The following CENPP variants were observed in gnomAD, a reference collection of about 807,000 sequenced individuals.
CENPP encodes the protein centromere protein P.
Under a neutral mutation model 35.6 loss-of-function variants are expected in CENPP, and 24 were observed. The ratio of observed to expected loss-of-function variants is 0.67; its 90% CI spans 0.49 to 0.95. The LOEUF (loss-of-function observed/expected upper bound fraction) is 0.95, where lower values mean the gene tolerates loss of function less well. Among genes scored for constraint, CENPP ranks in the 40% least tolerant of loss-of-function variants. The pLI, the probability that CENPP is intolerant of heterozygous loss-of-function variation, is 0.00. For synonymous variants in CENPP, 120 were observed against 125.5 expected, an observed-to-expected ratio of 0.96 and a Z score of 0.29; for missense variants, 332 against 345.3, an observed-to-expected ratio of 0.96 and a Z score of 0.31.
chr9:92,397,502 G>A (rs1006447622), intron 5 of CENPP, among the ~76,000 whole-genome samples: 1 of 151,966 alleles, frequency 6.6e-6, no homozygotes, highest in African/African-American at 2.4e-5. Context: ...AATTTTTTTT[G>A]TATTTTTAGT....
chr9:92,484,361 C>T (rs1436631402), intron 5 of CENPP, among the ~76,000 whole-genome samples: 1 of 152,168 alleles, frequency 6.6e-6, no homozygotes, highest in African/African-American at 2.4e-5. Flanking sequence ...TGGAATCATA[C>T]TGTGCATTCT....
intron 5 of CENPP, among the ~76,000 whole-genome samples, chr9:92,466,812 T>A (rs191575820): frequency 3.9e-5 from 6 of 152,348 alleles, no homozygotes; most frequent in Non-Finnish European, 7.3e-5. Context: ...TGCATCTTTT[T>A]AATCTTTGAA....
rs756860205 is a variant in CENPP, at chr9:92,616,089, C to G, written c.*2940C>G. ...GTAAAAAGTACCATTTCAGGATACA[C>G]AAGCCCCCCATTCATTTCCCTCCCT... On this transcript the variant is annotated 3_prime_UTR_variant, in exon 8 of 8. Coordinates refer to ENST00000375587, the MANE Select transcript of CENPP (RefSeq NM_001012267.3). 6 of 1,463,842 alleles carry G rather than the reference C, an allele frequency of 4.1e-6. No individual in the cohort carries two copies. Among genetic ancestry groups the G allele is most frequent in the African/African-American group, 1.4e-5 (1 of 71,938 alleles). The allele number at this position is 1,463,842 out of a possible 1,614,324, so 90.7% of individuals were successfully genotyped here.
chr9:92,414,760 C>A, intron 5 of CENPP: 1 of 224,404 alleles, frequency 4.5e-6, no homozygotes, highest in Non-Finnish European at 8.8e-6. Flanking sequence ...ATATTGTCCT[C>A]AGAGTGATCA....
chr9:92,359,790 CT>C (rs113627157), intron 4 of CENPP, among the ~76,000 whole-genome samples: 434 of 136,892 alleles, frequency 3.2e-3, no homozygotes, highest in Middle Eastern at 3.8e-3. Flanking sequence ...GGACAGGGTC[CT>C]TTTTTTTTTT....
intron 5 of CENPP, among the ~76,000 whole-genome samples, chr9:92,547,243 G>A (rs770233202): frequency 3.9e-5 from 6 of 152,152 alleles, no homozygotes; most frequent in African/African-American, 1.4e-4. Context: ...GAATATAAGG[G>A]AACATCTTTA....
At chr9:92,386,384 T>A in intron 5 of CENPP, 1 of 781,782 alleles carries the variant, frequency 1.3e-6, no homozygotes, top group South Asian at 1.4e-5. Context: ...TATGAGTATA[T>A]GTCTATATAT....
At chr9:92,480,015 T>C (rs964315423) in intron 5 of CENPP, among the ~76,000 whole-genome samples, 22 of 152,238 alleles carry the variant, frequency 1.4e-4, no homozygotes, top group African/African-American at 4.3e-4. Context: ...TAAAATGATA[T>C]GACTTTTGGC....
intron 5 of CENPP, among the ~76,000 whole-genome samples, chr9:92,496,663 A>G (rs569012301): frequency 6.6e-6 from 1 of 152,360 alleles, no homozygotes; most frequent in African/African-American, 2.4e-5. Context: ...TAGAAGCACT[A>G]GAACAGACTG....
chr9:92,478,954 C>T (rs1845813503), intron 5 of CENPP, among the ~76,000 whole-genome samples: 2 of 152,108 alleles, frequency 1.3e-5, no homozygotes, highest in Non-Finnish European at 2.9e-5. Flanking sequence ...CGTGGTGTTC[C>T]TTGTGGCCTG....
chr9:92,341,024 A>T (rs1255873634), intron 3 of CENPP, among the ~76,000 whole-genome samples: 1 of 152,192 alleles, frequency 6.6e-6, no homozygotes, highest in Non-Finnish European at 1.5e-5. Context: ...ATCCTGAGAA[A>T]GAGAATACGT....
chr9:92,418,549 G>T (rs1843690153), intron 5 of CENPP, among the ~76,000 whole-genome samples: 1 of 152,058 alleles, frequency 6.6e-6, no homozygotes, highest in Non-Finnish European at 1.5e-5. Context: ...ACTACAGTCT[G>T]ATCCCTCCAC....
chr9:92,372,099 C>CTTTTTTTTTTTTTTTTTTTTTTT lies in CENPP; in HGVS notation c.468-7654_468-7632dup, dbSNP rs71362382. Among the ~76,000 whole-genome samples the CTTTTTTTTTTTTTTTTTTTTTTT allele has an allele frequency of 4.6e-4, 14 of 30,680 alleles. 1 individual carries two copies. The highest frequency in any genetic ancestry group is 9.7e-4 in the African/African-American group (7 of 7,210). The allele number at this position is 30,680 out of a possible 152,430, so 20.1% of individuals were successfully genotyped here. ...AGGTGTAAGCCACCATGCCAGCCATCTTTTTTTTTTTTTTTTTTTTTTTTT... is the reference window on the plus strand; with the variant it reads ...AGGTGTAAGCCACCATGCCAGCCATCTTTTTTTTTTTTTTTTTTTTTTTTTTTTTTTTTTTTTTTTTTTTTTTT... On this transcript the variant is annotated intron_variant, in intron 4 of 7. Coordinates refer to ENST00000375587, the MANE Select transcript of CENPP (RefSeq NM_001012267.3).
At chr9:92,429,804 T>G (rs895362752) in intron 5 of CENPP, among the ~76,000 whole-genome samples, 184 of 151,976 alleles carry the variant, frequency 1.2e-3, no homozygotes, top group African/African-American at 4.2e-3. Flanking sequence ...ATCATCATCA[T>G]CATCATCATC....
chr9:92,529,798 G>A (rs887647075), intron 5 of CENPP, among the ~76,000 whole-genome samples: 15 of 152,158 alleles, frequency 9.9e-5, no homozygotes, highest in Non-Finnish European at 1.8e-4. Context: ...AATTTGGGGC[G>A]GAGAGGGATG....
chr9:92,466,535 G>C, intron 5 of CENPP: 1 of 1,614,042 alleles, frequency 6.2e-7, no homozygotes, highest in East Asian at 2.2e-5. Context: ...GCTTTTGGGT[G>C]AATCTTCGTT....
chr9:92,582,452 G>A (rs948586369), intron 5 of CENPP, among the ~76,000 whole-genome samples: 1 of 152,126 alleles, frequency 6.6e-6, no homozygotes, highest in Non-Finnish European at 1.5e-5. Flanking sequence ...CATCCAGATA[G>A]AACAGAATGA....
At chr9:92,381,230 T>C (rs1842233692) in intron 5 of CENPP, among the ~76,000 whole-genome samples, 1 of 152,198 alleles carries the variant, frequency 6.6e-6, no homozygotes, top group Non-Finnish European at 1.5e-5. Context: ...GTCTTTTCAC[T>C]TAGCATAATG....
chr9:92,477,455 T>C (rs564062032), intron 5 of CENPP, among the ~76,000 whole-genome samples: 5 of 152,314 alleles, frequency 3.3e-5, no homozygotes, highest in Admixed American at 2.6e-4. Flanking sequence ...AGTTGGCCCC[T>C]GATTCCAGTT....
Sources: allele counts gnomAD v4.1 joint callset (sites outside exome capture counted in the v4.1 genomes callset), GRCh38; gene constraint gnomAD v4.1.1; transcripts MANE v1.5; gene names NCBI Gene and HGNC (gene_info 2026-07-23, HGNC 2026-07-21).